RYR3: variants seen among roughly 807,000 people sequenced by gnomAD.
RYR3 encodes ryanodine receptor 3.
A neutral mutation model predicts 584.3 loss-of-function variants in RYR3; 207 were observed. That is an observed-to-expected ratio of 0.35 (90% CI 0.32 to 0.40). The LOEUF (loss-of-function observed/expected upper bound fraction) is 0.40. RYR3 is among the 10% of genes least tolerant of loss of function. RYR3 has a pLI of 1.00. For missense variants in RYR3, 5,616 were observed against 6,089.2 expected, an observed-to-expected ratio of 0.92 and a Z score of 2.59; for synonymous variants, 2,416 against 2,248.5, an observed-to-expected ratio of 1.07 and a Z score of -2.11.
At chr15:33,448,719 A>G (rs2046871106) in intron 1 of RYR3, among the ~76,000 whole-genome samples, 1 of 152,152 alleles carries the variant, frequency 6.6e-6, no homozygotes, top group Non-Finnish European at 1.5e-5. Flanking sequence ...TGGGGAGAAA[A>G]CAATCAAAGA....
intron 3 of RYR3, among the ~76,000 whole-genome samples, chr15:33,511,329 T>TA (rs34328973): frequency 0.077 from 9,178 of 119,262 alleles, 373 homozygotes; most frequent in African/African-American, 0.12. Flanking sequence ...TTTCTCTCTT[T>TA]AAAAAAAAAA....
chr15:33,633,981 G>A (rs748150033), intron 24 of RYR3, among the ~76,000 whole-genome samples: 1 of 152,204 alleles, frequency 6.6e-6, no homozygotes, highest in Admixed American at 6.5e-5. Flanking sequence ...CCTTGGGAAT[G>A]GAGGTTTCTA....
At chr15:33,327,064 G>A (rs1411893240) in intron 1 of RYR3, among the ~76,000 whole-genome samples, 1 of 151,392 alleles carries the variant, frequency 6.6e-6, no homozygotes, top group Admixed American at 6.6e-5. Context: ...GGAAGTGAAA[G>A]ACGAGACGCA....
rs66623531 is a variant in RYR3, at chr15:33,814,900, C to CAAAAA, written c.10502+1337_10502+1341dup. Among the ~76,000 whole-genome samples, 144 of 91,784 alleles carry CAAAAA rather than the reference C, an allele frequency of 1.6e-3. 2 individuals are homozygous for CAAAAA. The highest frequency in any genetic ancestry group is 6.8e-3 in the Middle Eastern group (1 of 148). The allele number at this position is 91,784 out of a possible 152,430, so 60.2% of individuals were successfully genotyped here. On this transcript the variant is annotated intron_variant, in intron 74 of 103. Coordinates refer to ENST00000634891, the MANE Select transcript of RYR3 (RefSeq NM_001036.6). ...TGGGCAACAGAACAAGACTCTGTCT[C>CAAAAA]AAAAAAAAAAAAAAAAAAAATCAGC...
chr15:33,794,165 T>TAC (rs2075395738), intron 67 of RYR3, among the ~76,000 whole-genome samples: 1 of 91,202 alleles, frequency 1.1e-5, no homozygotes, highest in Non-Finnish European at 2.3e-5. Flanking sequence ...ATATATAATA[T>TAC]ATACAAATAT....
intron 1 of RYR3, among the ~76,000 whole-genome samples, chr15:33,361,964 T>C (rs2141013865): frequency 6.6e-6 from 1 of 152,242 alleles, no homozygotes; most frequent in Non-Finnish European, 1.5e-5. Flanking sequence ...CAAGGTTCAG[T>C]GGGAGCCCAG....
At chr15:33,367,519 A>G (rs1975679204) in intron 1 of RYR3, among the ~76,000 whole-genome samples, 1 of 152,216 alleles carries the variant, frequency 6.6e-6, no homozygotes, top group South Asian at 2.1e-4. Context: ...TCCAGTCATA[A>G]GAATATAAGA....
chr15:33,361,414 C>G (rs1447940385), intron 1 of RYR3, among the ~76,000 whole-genome samples: 1 of 152,158 alleles, frequency 6.6e-6, no homozygotes, highest in African/African-American at 2.4e-5. Context: ...TGGGCCGTCT[C>G]CATTTTAGCA....
At chr15:33,499,252 G>C (rs555902564) in intron 2 of RYR3, among the ~76,000 whole-genome samples, 1 of 134,902 alleles carries the variant, frequency 7.4e-6, no homozygotes, top group Non-Finnish European at 1.5e-5. Context: ...ACCTCTTTTC[G>C]CTCCATTTCC....
intron 1 of RYR3, among the ~76,000 whole-genome samples, chr15:33,437,148 G>A (rs932892324): frequency 3.0e-5 from 3 of 101,600 alleles, no homozygotes; most frequent in African/African-American, 1.2e-4. Context: ...GTGTGTGTGT[G>A]TGTGTGTGAA....
At chr15:33,617,419 A>AAG (rs1338991993) in intron 19 of RYR3, among the ~76,000 whole-genome samples, 4 of 152,074 alleles carry the variant, frequency 2.6e-5, no homozygotes, top group African/African-American at 9.7e-5. Flanking sequence ...CTCAAAAAAA[A>AAG]AACGTATTTT....
intron 12 of RYR3, among the ~76,000 whole-genome samples, chr15:33,571,630 T>C (rs1595651154): frequency 6.6e-6 from 1 of 152,212 alleles, no homozygotes; most frequent in African/African-American, 2.4e-5. Context: ...GTGCAGATTA[T>C]GTTTTTTGTT....
chr15:33,486,435 G>C (rs913721624), intron 2 of RYR3, among the ~76,000 whole-genome samples: 12 of 152,022 alleles, frequency 7.9e-5, no homozygotes, highest in Admixed American at 7.2e-4. Context: ...TTTGTTGTTC[G>C]TATAAAGGAC....
chr15:33,756,941 C>G (rs565328763), intron 59 of RYR3, among the ~76,000 whole-genome samples: 1 of 152,238 alleles, frequency 6.6e-6, no homozygotes, highest in Admixed American at 6.5e-5. Context: ...GCAAGGGAGA[C>G]TGGGTGATAC....
At chr15:33,728,042 C>T (rs1225864616) in intron 46 of RYR3, among the ~76,000 whole-genome samples, 2 of 152,160 alleles carry the variant, frequency 1.3e-5, no homozygotes, top group East Asian at 1.9e-4. Context: ...AGTATGTCCT[C>T]GAAGTTTATT....
chr15:33,805,668 A>T (rs145642172), intron 69 of RYR3, among the ~76,000 whole-genome samples: 6 of 150,890 alleles, frequency 4.0e-5, no homozygotes, highest in South Asian at 2.1e-4. Context: ...TAGTAGAGAC[A>T]GGGTTTCACT....
At chr15:33,727,588 A>G (rs1338715861) in intron 46 of RYR3, among the ~76,000 whole-genome samples, 1 of 152,214 alleles carries the variant, frequency 6.6e-6, no homozygotes, top group Non-Finnish European at 1.5e-5. Flanking sequence ...GGCACGCATG[A>G]GAGAGGAAGT....
intron 1 of RYR3, among the ~76,000 whole-genome samples, chr15:33,318,939 C>T (rs1470418892): frequency 6.6e-6 from 1 of 152,120 alleles, no homozygotes; most frequent in Non-Finnish European, 1.5e-5. Context: ...GCAAATGCTC[C>T]AGAGCCCCTG....
rs554043023 is a variant in RYR3, at chr15:33,660,561, A to G, written c.4622+138A>G. On this transcript the variant is annotated intron_variant, in intron 34 of 103. Transcript: ENST00000634891. ...TATGACTTGATTTCCCCAGTGCCTC[A>G]GTTTCTATTCCTTCCCACTTTCATT... 8.3e-6 allele frequency: 5 copies of G among 599,126 alleles called. No homozygotes were observed. The African/African-American group carries it at 9.3e-5, about 11-fold the overall frequency. The allele number at this position is 599,126 out of a possible 1,614,324, so 37.1% of individuals were successfully genotyped here.
Sources: allele counts gnomAD v4.1 joint callset (sites outside exome capture counted in the v4.1 genomes callset), GRCh38; gene constraint gnomAD v4.1.1; transcripts MANE v1.5; gene names NCBI Gene and HGNC (gene_info 2026-07-23, HGNC 2026-07-21).